Variants in SLC6A7 observed in about 807,000 individuals in gnomAD.
SLC6A7 encodes sodium-dependent proline transporter.
Under a neutral mutation model 73.1 loss-of-function variants are expected in SLC6A7, and 58 were observed. The observed-to-expected ratio is 0.79, with a 90% CI of 0.64 to 0.99. SLC6A7 has a LOEUF of 0.99. Ranked by LOEUF, SLC6A7 falls within the 50% of genes least tolerant of loss-of-function variation. The pLI, the probability that SLC6A7 is intolerant of heterozygous loss-of-function variation, is 0.00. For missense variants in SLC6A7, 783 were observed against 831.4 expected (o/e 0.94, Z 0.72); for synonymous variants, 338 against 338.7 (o/e 1.00, Z 0.02).
At chr5:150,209,147 G>T (rs1488451297) in intron 13 of SLC6A7, among the ~76,000 whole-genome samples, 3 of 152,362 alleles carry the variant, frequency 2.0e-5, no homozygotes, top group Admixed American at 2.0e-4. Context: ...CCGAATTACA[G>T]ACCAGGAAGC....
intron 4 of SLC6A7, 52 bp downstream of exon 4, chr5:150,197,328 G>C: frequency 1.6e-6 from 2 of 1,227,464 alleles, no homozygotes; most frequent in South Asian, 2.8e-5. Flanking sequence ...CACTGCTGAG[G>C]GTGGCCAGAG....
At chr5:150,196,939 A>C in intron 3 of SLC6A7, 92 bp downstream of exon 3, 2 of 1,529,564 alleles carry the variant, frequency 1.3e-6, no homozygotes, top group Non-Finnish European at 1.8e-6. Context: ...CTCCAGGCAG[A>C]GGTGGAAGTG....
At chr5:150,199,877 C>G (rs1413537380) in intron 5 of SLC6A7, among the ~76,000 whole-genome samples, 1 of 152,156 alleles carries the variant, frequency 6.6e-6, no homozygotes, top group Non-Finnish European at 1.5e-5. Flanking sequence ...TTCGTGAGGT[C>G]ACCCTAGCAG....
chr5:150,204,235 T>C lies in SLC6A7; in HGVS notation c.1332+197T>C, dbSNP rs912861441. Among the ~76,000 whole-genome samples the C allele has an allele frequency of 2.0e-5, 3 of 152,308 alleles. No individual in the cohort carries two copies. In the South Asian group the frequency reaches 6.2e-4, roughly 32 times the overall value. The stretch of plus-strand genomic sequence containing the variant: ...CAGAGTCCTGGCTGTGGAGATTTAG[T>C]CTGCAAGATCTGGGTTCAAACCTGA... On this transcript the variant is annotated intron_variant, in intron 10 of 13. Coordinates refer to ENST00000230671, the MANE Select transcript of SLC6A7 (RefSeq NM_014228.5).
chr5:150,205,825 G>T (rs1466346749), intron 13 of SLC6A7, among the ~76,000 whole-genome samples: 3 of 152,180 alleles, frequency 2.0e-5, no homozygotes, highest in Non-Finnish European at 4.4e-5. Context: ...TAGGGGAGTG[G>T]GTGGCACAAT....
chr5:150,199,210 G>A lies in SLC6A7; in HGVS notation c.585-18G>A. 1.3e-6 allele frequency: 2 copies of A among 1,575,190 alleles called. No individual in the cohort carries two copies. Among genetic ancestry groups the A allele is most frequent in the Non-Finnish European group, 1.7e-6 (2 of 1,157,778 alleles). On this transcript the variant is annotated intron_variant, in intron 4 of 13. Coordinates refer to ENST00000230671, the MANE Select transcript of SLC6A7 (RefSeq NM_014228.5). ...TGGTGGGGTGACCAGGGGACACTGA[G>A]ACCTTTGTCTCCCACAGCCGCTACG...
intron 13 of SLC6A7, among the ~76,000 whole-genome samples, chr5:150,208,534 C>T (rs1352940986): frequency 6.6e-6 from 1 of 152,158 alleles, no homozygotes; most frequent in Non-Finnish European, 1.5e-5. Flanking sequence ...CAGCCATTGG[C>T]AGGCTTCTGA....
chr5:150,198,811 G>GGTGTGTGTGTGTGTTTGTGTGT lies in SLC6A7; in HGVS notation c.585-403_585-402insTTGTGTGTGTGTGTGTGTGTGT, dbSNP rs1554115776. Among the ~76,000 whole-genome samples the GGTGTGTGTGTGTGTTTGTGTGT allele has an allele frequency of 1.9e-4, 21 of 112,098 alleles. 1 individual carries two copies. The highest frequency in any genetic ancestry group is 6.5e-4 in the African/African-American group (20 of 30,656). The allele number at this position is 112,098 out of a possible 152,430, so 73.5% of individuals were successfully genotyped here. On this transcript the variant is annotated intron_variant, in intron 4 of 13. Transcript: ENST00000230671. ...ACACAGTCATGGCCAGGCCCTGGAT[G>GGTGTGTGTGTGTGTTTGTGTGT]GTGTGTGTGTGTGTGTGTGTGTGTG...
Position 150,196,714 on chromosome 5 carries a change from A to AGG in SLC6A7, c.218-1_218dup. ...CCTTGCTGACCACCCCGCTCCCGGC[A>AGG]GGCGCCTTCCTCGTGCCCTACTTCC... On this transcript the variant is annotated splice_acceptor_variant, in intron 2 of 13. Coordinates refer to ENST00000230671, the MANE Select transcript of SLC6A7 (RefSeq NM_014228.5). LOFTEE classifies it high-confidence loss of function. The AGG allele has an allele frequency of 1.2e-6, 2 of 1,612,912 alleles. No homozygotes were observed. The highest frequency in any genetic ancestry group is 1.7e-6 in the Non-Finnish European group (2 of 1,179,390).
chr5:150,198,811 G>GGTGTGTGTGTGTGTGT (rs774414750), intron 4 of SLC6A7, among the ~76,000 whole-genome samples: 3 of 112,100 alleles, frequency 2.7e-5, no homozygotes, highest in South Asian at 6.5e-4. Flanking sequence ...GGCCCTGGAT[G>GGTGTGTGTGTGTGTGT]GTGTGTGTGT....
intron 4 of SLC6A7, among the ~76,000 whole-genome samples, chr5:150,198,804 CCTGGATGGTG>C (rs1753206193): frequency 7.8e-6 from 1 of 127,538 alleles, no homozygotes; most frequent in Non-Finnish European, 1.6e-5. Context: ...ATGGCCAGGC[CCTGGATGGTG>C]TGTGTGTGTG....
intron 13 of SLC6A7, among the ~76,000 whole-genome samples, chr5:150,208,585 C>T (rs1183973729): frequency 6.6e-6 from 1 of 152,220 alleles, no homozygotes; most frequent in Admixed American, 6.5e-5. Context: ...TCCTAAGTAT[C>T]ACTGTGCTGT....
rs1753446742 is a variant in SLC6A7, at chr5:150,202,650, TG to T, written c.1037del (p.Gly346AlafsTer14). ...GCTGGCTTTGCCATCTTCTCCGTGC[TG>T]GGCTACATGTCTCAGGAGCTGGGCG... ...ILAGFAIFSV[L>X]GYMSQELGVP... is the part of the protein sequence containing the mutation. On this transcript the variant is annotated frameshift_variant, in exon 8 of 14. Transcript: ENST00000230671. LOFTEE classifies it high-confidence loss of function. The T allele has an allele frequency of 6.2e-7, 1 of 1,614,122 alleles. No homozygotes were observed. The highest frequency in any genetic ancestry group is 8.5e-7 in the Non-Finnish European group (1 of 1,180,042).
rs1024688572 is a variant in SLC6A7, at chr5:150,197,704, G to A, written c.584+428G>A. 5.9e-5 allele frequency among the ~76,000 whole-genome samples: 9 copies of A among 152,180 alleles called. 1 individual carries two copies. The highest frequency in any genetic ancestry group is 1.9e-4 in the African/African-American group (8 of 41,508). ...TTGGTAACAGTACCTGCTTCATAAGGTGTTATCCAGTTAGTCATTTACCCA... is the reference window on the plus strand; with the variant it reads ...TTGGTAACAGTACCTGCTTCATAAGATGTTATCCAGTTAGTCATTTACCCA... On this transcript the variant is annotated intron_variant, in intron 4 of 13. Coordinates refer to ENST00000230671, the MANE Select transcript of SLC6A7 (RefSeq NM_014228.5).
At chr5:150,199,736 T>C (rs145242639) in intron 5 of SLC6A7, among the ~76,000 whole-genome samples, 222 of 152,264 alleles carry the variant, frequency 1.5e-3, no homozygotes, top group African/African-American at 5.3e-3. Context: ...TCACACTCAG[T>C]TGGAAAGTCC....
At chr5:150,203,820 GGTGTGTGTGTGTGTGTGTGT>G (rs35380195) in intron 9 of SLC6A7, 41 bp downstream of exon 9, 11 of 802,508 alleles carry the variant, frequency 1.4e-5, no homozygotes, top group African/African-American at 8.0e-5. Flanking sequence ...GTGTGTGTGT[GGTGTGTGTGTGTGTGTGTGT>G]GTGTGTGTGT....
intron 6 of SLC6A7, among the ~76,000 whole-genome samples, chr5:150,201,468 G>C (rs1239698424): frequency 1.3e-5 from 2 of 152,040 alleles, no homozygotes; most frequent in African/African-American, 2.4e-5. Context: ...TAGCTAATTA[G>C]CATATGTATT....
chr5:150,204,174 C>T, intron 10 of SLC6A7, 136 bp downstream of exon 10: 1 of 861,450 alleles, frequency 1.2e-6, no homozygotes, highest in Non-Finnish European at 1.8e-6. Context: ...CCTCCCCGGC[C>T]CTATCTCCCA....
intron 4 of SLC6A7, among the ~76,000 whole-genome samples, chr5:150,198,083 G>GAA (rs1424792239): frequency 2.0e-5 from 2 of 100,702 alleles, no homozygotes; most frequent in African/African-American, 4.0e-5. Flanking sequence ...AAGAAAGAAA[G>GAA]AAAGAAAGAA....
Sources: allele counts gnomAD v4.1 joint callset (sites outside exome capture counted in the v4.1 genomes callset), GRCh38; gene constraint gnomAD v4.1.1; transcripts MANE v1.5; gene names NCBI Gene and HGNC (gene_info 2026-07-23, HGNC 2026-07-21).